The following ABCC8 variants were observed in gnomAD, a reference collection of about 807,000 sequenced individuals.
ABCC8 encodes ATP binding cassette subfamily C member 8.
A neutral mutation model predicts 188.0 loss-of-function variants in ABCC8; 137 were observed. That is an observed-to-expected ratio of 0.73 (90% CI 0.63 to 0.84). The LOEUF (loss-of-function observed/expected upper bound fraction) is 0.84. ABCC8 is among the 40% of genes least tolerant of loss of function. The pLI is 0.00. For missense variants in ABCC8, 1,750 were observed against 2,072.7 expected, an observed-to-expected ratio of 0.84 and a Z score of 3.02; for synonymous variants, 797 against 846.5, an observed-to-expected ratio of 0.94 and a Z score of 1.01.
At chr11:17,430,666 C>G in intron 12 of ABCC8, 148 bp downstream of exon 12, 2 of 991,930 alleles carry the variant, frequency 2.0e-6, no homozygotes, top group Non-Finnish European at 3.2e-6. Context: ...CAATGTCCCT[C>G]TGACCAACCA....
chr11:17,410,181 C>T, intron 22 of ABCC8: 1 of 276,082 alleles, frequency 3.6e-6, no homozygotes, highest in Non-Finnish European at 7.0e-6. Flanking sequence ...GGGCACTCCC[C>T]ATGACTGCGG....
intron 7 of ABCC8, among the ~76,000 whole-genome samples, chr11:17,450,504 C>T (rs1373654398): frequency 1.3e-5 from 2 of 148,822 alleles, no homozygotes; most frequent in Admixed American, 6.8e-5. Context: ...ACGCCATTCT[C>T]CTGCCTCAGC....
intron 6 of ABCC8, 150 bp downstream of exon 6, chr11:17,460,338 T>G: frequency 8.0e-7 from 1 of 1,255,408 alleles, no homozygotes; most frequent in Admixed American, 1.7e-5. Flanking sequence ...ATGTAGAGTA[T>G]TCTGTGGTGG....
In ABCC8 at chr11:17,414,627, G is replaced by A. The variant is rs1179218101; in HGVS notation, c.2292-17C>T. The A allele has an allele frequency of 1.1e-5, 17 of 1,613,904 alleles. No homozygotes were observed. Among genetic ancestry groups the A allele is most frequent in the South Asian group, 4.4e-5 (4 of 91,088 alleles). On this transcript the variant is annotated splice_polypyrimidine_tract_variant and intron_variant, in intron 18 of 38. Transcript: ENST00000389817. ...CCTCTCTTCCTGGAAAAAGCAGGGC[G>A]GGAGTAGGGGGTGCGGAAGGCATTC...
In ABCC8 at chr11:17,461,601, C is replaced by G. The variant is rs187271585; in HGVS notation, c.804G>C (p.Glu268Asp). Residue 268 changes from glutamate (E) to aspartate (D), a missense_variant, in exon 5 of 39, where the codon GAG becomes GAC. Coordinates refer to ENST00000389817, the MANE Select transcript of ABCC8 (RefSeq NM_000352.6). ...CACTGACCACCTGGGCGTCAAAGGC[C>G]TCGCAGAGCCGTTGGTAGTTGGTGA... The part of the protein sequence containing the change: ...RALTNYQRLC[E>D]AFDAQVRKDI... 1 of 1,614,236 alleles carries G rather than the reference C, an allele frequency of 6.2e-7. No individual in the cohort carries two copies. The highest frequency in any genetic ancestry group is 8.5e-7 in the Non-Finnish European group (1 of 1,180,048).
chr11:17,476,073 A>G (rs935133366), intron 1 of ABCC8, among the ~76,000 whole-genome samples: 2 of 152,170 alleles, frequency 1.3e-5, no homozygotes, highest in African/African-American at 4.8e-5. Flanking sequence ...CCAAGTCCCT[A>G]GCTCTCGCCT....
chr11:17,468,283 GCA>G (rs370582734), intron 3 of ABCC8, among the ~76,000 whole-genome samples: 1 of 152,326 alleles, frequency 6.6e-6, no homozygotes, highest in East Asian at 1.9e-4. Context: ...CACTGGCTTA[GCA>G]CAGAGTGTGC....
intron 3 of ABCC8, among the ~76,000 whole-genome samples, chr11:17,467,128 T>G (rs1419397814): frequency 6.7e-6 from 1 of 149,396 alleles, no homozygotes; most frequent in African/African-American, 2.5e-5. Context: ...ATCTGTGGTA[T>G]GACCTTCCAG....
intron 3 of ABCC8, among the ~76,000 whole-genome samples, chr11:17,464,007 TCAGA>T (rs1487503266): frequency 6.6e-6 from 1 of 152,148 alleles, no homozygotes; most frequent in Non-Finnish European, 1.5e-5. Context: ...CCCCAATTTC[TCAGA>T]CAAAGGAAAT....
At chr11:17,445,966 CTTT>C (rs66845960) in intron 8 of ABCC8, among the ~76,000 whole-genome samples, 14 of 134,244 alleles carry the variant, frequency 1.0e-4, no homozygotes, top group East Asian at 2.2e-4. Flanking sequence ...AACCTGATTT[CTTT>C]TTTTTTTTTT....
rs376413488 is a variant in ABCC8 at position 17,406,963 on chromosome 11, G to A, written c.3087C>T (p.Ile1029=). The A allele has an allele frequency of 1.1e-5, 17 of 1,614,158 alleles. No individual in the cohort carries two copies. The highest frequency in any genetic ancestry group is 1.3e-5 in the African/African-American group (1 of 75,056). Residue 1029 remains isoleucine, a synonymous_variant, in exon 25 of 39, where the codon ATC becomes ATT. Coordinates refer to ENST00000389817, the MANE Select transcript of ABCC8 (RefSeq NM_000352.6). ...CGGTCCACTTGGCCAGCCAGTAGTC[G>A]ATGGCCACCAGGACCATGTGCTTGA... The part of the protein sequence containing the change: ...QLLKHMVLVA[I]DYWLAKWTDS...
chr11:17,402,251 G>A (rs192924079), intron 29 of ABCC8, among the ~76,000 whole-genome samples: 2 of 152,292 alleles, frequency 1.3e-5, no homozygotes, highest in South Asian at 2.1e-4. Context: ...TCTCAGCACC[G>A]AGGGTTGCAG....
Position 17,461,837 on chromosome 11 carries a change from A to G in ABCC8, c.580-12T>C. 6.2e-7 allele frequency: 1 copy of G among 1,613,732 alleles called. No individual in the cohort carries two copies. The highest frequency in any genetic ancestry group is 1.1e-5 in the South Asian group (1 of 90,974). On this transcript the variant is annotated splice_polypyrimidine_tract_variant and intron_variant, in intron 4 of 38. Transcript: ENST00000389817. ...AAGAAGATGTATCTCTGTGGGGCAC[A>G]TGGGCCATGGGGGATGGGTAAGTCC... is the stretch of plus-strand genomic sequence containing the variant.
intron 27 of ABCC8, among the ~76,000 whole-genome samples, chr11:17,405,239 C>T (rs953560490): frequency 6.6e-6 from 1 of 152,262 alleles, no homozygotes; most frequent in Admixed American, 6.5e-5. Flanking sequence ...TCAGAATATG[C>T]TGGAACTTTA....
rs182933481 is a variant in ABCC8 at position 17,437,150 on chromosome 11, C to T, written c.1631-4906G>A. On this transcript the variant is annotated intron_variant, in intron 10 of 38. Coordinates refer to ENST00000389817, the MANE Select transcript of ABCC8 (RefSeq NM_000352.6). ...TTCATTCAAAAAAGGTATCCCTGTT[C>T]CAGGCCTTGTGCTGGTGTGCTGGGT... Among the ~76,000 whole-genome samples the T allele has an allele frequency of 2.7e-5, 4 of 148,862 alleles. No homozygotes were observed. The East Asian group carries it at 7.9e-4, about 30-fold the overall frequency.
intron 5 of ABCC8, 174 bp downstream of exon 5, chr11:17,461,409 G>T: frequency 1.2e-6 from 1 of 811,744 alleles, no homozygotes; most frequent in Non-Finnish European, 2.0e-6. Flanking sequence ...TGAATCCTCA[G>T]CCCTGCACCT....
At chr11:17,434,936 C>A (rs941062456) in intron 10 of ABCC8, among the ~76,000 whole-genome samples, 1 of 151,394 alleles carries the variant, frequency 6.6e-6, no homozygotes, top group Non-Finnish European at 1.5e-5. Flanking sequence ...TCTGGGTCCC[C>A]TTCAGGGCTG....
At chr11:17,475,270 T>C (rs1364390477) in intron 1 of ABCC8, among the ~76,000 whole-genome samples, 1 of 152,170 alleles carries the variant, frequency 6.6e-6, no homozygotes, top group Non-Finnish European at 1.5e-5. Flanking sequence ...TCTGCTGGAG[T>C]GCAGTGCCAC....
chr11:17,415,833 G>A (rs1034598026), intron 17 of ABCC8, among the ~76,000 whole-genome samples: 5 of 152,180 alleles, frequency 3.3e-5, no homozygotes, highest in South Asian at 2.1e-4. Flanking sequence ...CTGGAGCTGC[G>A]AGGGCTCCAG....
Sources: gnomAD v4.1 joint callset for allele counts (sites outside exome capture counted in the v4.1 genomes callset) on GRCh38, gnomAD v4.1.1 for gene constraint, MANE v1.5 for transcripts, NCBI Gene and HGNC (gene_info 2026-07-23, HGNC 2026-07-21) for gene names.